The following TLL1 variants were observed in gnomAD, a reference collection of about 807,000 sequenced individuals.
TLL1 encodes the protein tolloid-like protein 1.
In TLL1, 49 loss-of-function variants were observed where a neutral mutation model predicts 128.2. The observed-to-expected ratio is 0.38, with a 90% CI of 0.30 to 0.48. The LOEUF (loss-of-function observed/expected upper bound fraction) is 0.48. Ranked by LOEUF, TLL1 falls within the 20% of genes least tolerant of loss-of-function variation. TLL1 has a pLI of 0.96. For missense variants in TLL1, 1,123 were observed against 1,242.0 expected, an observed-to-expected ratio of 0.90 and a Z score of 1.44; for synonymous variants, 454 against 418.8, an observed-to-expected ratio of 1.08 and a Z score of -1.03.
chr4:165,940,675 A>G (rs1253936287), intron 1 of TLL1, among the ~76,000 whole-genome samples: 2 of 152,176 alleles, frequency 1.3e-5, no homozygotes, highest in East Asian at 3.9e-4. Context: ...TCCAAGCAAA[A>G]TACCATGAGA....
chr4:166,012,674 C>T (rs973267411), intron 7 of TLL1, among the ~76,000 whole-genome samples: 1 of 151,616 alleles, frequency 6.6e-6, no homozygotes, highest in Non-Finnish European at 1.5e-5. Flanking sequence ...TACCTTGTAA[C>T]TCATTTCTTT....
At chr4:165,925,932 A>G (rs1411829858) in intron 1 of TLL1, among the ~76,000 whole-genome samples, 1 of 152,216 alleles carries the variant, frequency 6.6e-6, no homozygotes, top group African/African-American at 2.4e-5. Context: ...GCAATAAAGT[A>G]ATTTTAGGTT....
chr4:166,015,237 G>T (rs1314635098), intron 8 of TLL1, among the ~76,000 whole-genome samples: 1 of 151,936 alleles, frequency 6.6e-6, no homozygotes, highest in Non-Finnish European at 1.5e-5. Context: ...CTACAGCAAA[G>T]AAACATGTTT....
chr4:166,080,991 A>G (rs1331702773), intron 18 of TLL1, among the ~76,000 whole-genome samples: 5 of 151,884 alleles, frequency 3.3e-5, no homozygotes, highest in African/African-American at 1.2e-4. Context: ...TTATTTCAGT[A>G]CAGACTCCAC....
At chr4:166,059,914 C>T (rs1740222761) in intron 14 of TLL1, 114 bp from the exon 15 acceptor site, 1 of 1,297,810 alleles carries the variant, frequency 7.7e-7, no homozygotes, top group Admixed American at 1.7e-5. Flanking sequence ...TTTTAAAATC[C>T]AGAAGATAGT....
Position 166,007,975 on chromosome 4 carries a change from G to A in TLL1, c.844G>A (p.Gly282Arg). The part of the protein sequence containing the change: ...QEYNFLKMEP[G>R]EVNSLGERYD... ...GTACAATTTTCTGAAGATGGAGCCT[G>A]GAGAAGTAAACTCACTTGGAGAAAG... The change falls in exon 7 of 21, where the codon GGA becomes AGA. Residue 282 changes from glycine to arginine, a missense_variant. Physicochemically the swap from Gly to Arg is moderately radical, Grantham distance 125 (BLOSUM62 -2). This residue lies in a region of TLL1 where 480 missense variants were observed against 542.4 expected (regional missense o/e 0.89). Coordinates refer to ENST00000061240, the MANE Select transcript of TLL1 (RefSeq NM_012464.5). The A allele has an allele frequency of 6.2e-7, 1 of 1,609,648 alleles. No homozygotes were observed. Among genetic ancestry groups the A allele is most frequent in the Non-Finnish European group, 8.5e-7 (1 of 1,176,744 alleles).
intron 5 of TLL1, among the ~76,000 whole-genome samples, chr4:165,998,999 A>G (rs927216963): frequency 2.6e-5 from 4 of 152,146 alleles, no homozygotes; most frequent in African/African-American, 9.7e-5. Flanking sequence ...TTAAGCAGAA[A>G]AAACGATTTA....
chr4:165,898,809 G>A (rs941986676), intron 1 of TLL1, among the ~76,000 whole-genome samples: 2 of 152,294 alleles, frequency 1.3e-5, no homozygotes, highest in South Asian at 2.1e-4. Flanking sequence ...AATGGTACCA[G>A]CTCCTCTTTG....
intron 6 of TLL1, among the ~76,000 whole-genome samples, chr4:166,005,465 G>A (rs994146101): frequency 2.6e-5 from 4 of 151,966 alleles, no homozygotes; most frequent in Admixed American, 6.6e-5. Context: ...TTGCCTGAAA[G>A]GTAAGAGAAA....
chr4:166,030,912 A>C (rs1738737756), intron 9 of TLL1: 1 of 982,804 alleles, frequency 1.0e-6, no homozygotes, highest in Non-Finnish European at 1.2e-6. Context: ...CACTGGATAT[A>C]GTTGGCTGCA....
chr4:166,059,161 G>A (rs1740167669), intron 14 of TLL1, among the ~76,000 whole-genome samples: 2 of 149,248 alleles, frequency 1.3e-5, no homozygotes, highest in African/African-American at 5.0e-5. Flanking sequence ...GTAACTACAG[G>A]TAGTGTTTGT....
At chr4:165,947,590 G>A (rs370327611) in intron 1 of TLL1, among the ~76,000 whole-genome samples, 18 of 152,070 alleles carry the variant, frequency 1.2e-4, no homozygotes, top group African/African-American at 4.1e-4. Context: ...AAAGGCTAAC[G>A]ATATGATTGT....
At chr4:166,000,522 G>T (rs1305599488) in intron 5 of TLL1, among the ~76,000 whole-genome samples, 1 of 152,102 alleles carries the variant, frequency 6.6e-6, no homozygotes, top group Non-Finnish European at 1.5e-5. Context: ...TGTTTTAGAT[G>T]AAATAAATTG....
At chr4:165,991,530 A>G (rs543102716) in intron 2 of TLL1, among the ~76,000 whole-genome samples, 1 of 152,166 alleles carries the variant, frequency 6.6e-6, no homozygotes, top group African/African-American at 2.4e-5. Flanking sequence ...CTCAAGATGC[A>G]CAGCAAAAAT....
intron 8 of TLL1, among the ~76,000 whole-genome samples, chr4:166,022,173 T>C (rs1738272456): frequency 6.6e-6 from 1 of 151,992 alleles, no homozygotes; most frequent in Non-Finnish European, 1.5e-5. Flanking sequence ...CTTTTCCTTT[T>C]TTTTTTTTCG....
At chr4:165,948,376 A>T (rs1734356395) in intron 1 of TLL1, among the ~76,000 whole-genome samples, 1 of 152,166 alleles carries the variant, frequency 6.6e-6, no homozygotes, top group Non-Finnish European at 1.5e-5. Context: ...AGCAAATGAG[A>T]TTTAAATGAG....
chr4:166,002,533 C>T (rs1027439562), intron 5 of TLL1, among the ~76,000 whole-genome samples: 29 of 152,260 alleles, frequency 1.9e-4, no homozygotes, highest in African/African-American at 6.5e-4. Flanking sequence ...CAGACTCAAA[C>T]TCCTGGGCTC....
chr4:165,888,827 C>T (rs186069925), intron 1 of TLL1, among the ~76,000 whole-genome samples: 1 of 152,198 alleles, frequency 6.6e-6, no homozygotes, highest in Admixed American at 6.5e-5. Flanking sequence ...TGTGGGAATC[C>T]CTGATTTTGG....
At chr4:165,952,256 GTTCC>G (rs1734560684) in intron 1 of TLL1, among the ~76,000 whole-genome samples, 2 of 152,072 alleles carry the variant, frequency 1.3e-5, no homozygotes, top group Non-Finnish European at 2.9e-5. Context: ...GTACTTTATA[GTTCC>G]TTGTCCATAT....
Sources: allele counts gnomAD v4.1 joint callset (sites outside exome capture counted in the v4.1 genomes callset), GRCh38; gene constraint gnomAD v4.1.1; regional missense constraint gnomAD v4.1.1; transcripts MANE v1.5; gene names NCBI Gene and HGNC (gene_info 2026-07-23, HGNC 2026-07-21).